Variants in OR6B3 observed in about 807,000 individuals in gnomAD.
OR6B3 encodes the protein olfactory receptor 6B3.
For missense variants in OR6B3, 315 were observed against 427.4 expected, an observed-to-expected ratio of 0.74 and a Z score of 2.32; for synonymous variants, 148 against 187.8, an observed-to-expected ratio of 0.79 and a Z score of 1.73.
Position 240,045,300 on chromosome 2 carries a change from AT to A in OR6B3, c.772del (p.Met258CysfsTer28), listed in dbSNP as rs1394054182. On this transcript the variant is annotated frameshift_variant, in exon 2 of 2. Coordinates refer to ENST00000641019, the Ensembl canonical transcript of OR6B3. LOFTEE classifies it low-confidence loss of function (END_TRUNC). ...ATCAATGGCCTGGGGCCGGACATAC[AT>A]GAAAAGCAAGGCTGTATAGAAGACG... 6.2e-7 allele frequency: 1 copy of A among 1,614,106 alleles called. No individual in the cohort carries two copies. Among genetic ancestry groups the A allele is most frequent in the East Asian group, 2.2e-5 (1 of 44,896 alleles).
intron 1 of OR6B3, 111 bp downstream of exon 2, chr2:240,046,841 T>C (rs1698198447): frequency 6.6e-6 from 1 of 152,184 alleles, no homozygotes; most frequent in Non-Finnish European, 1.5e-5. Context: ...TGTGTATTTT[T>C]ATATAAAACA....
chr2:240,052,658 C>G, the OR6B3 span, among the ~76,000 whole-genome samples: 5 of 152,308 alleles, frequency 3.3e-5, no homozygotes, highest in Admixed American at 6.5e-5. This position sits in a 1 kb window ranked among gnomAD's most constrained non-coding sequence, Gnocchi z 4.5. Context: ...GCCTGCGATG[C>G]CTGCCGGTCC....
chr2:240,045,243 A>G, exon 2 of OR6B3: 1 of 1,614,248 alleles, frequency 6.2e-7, no homozygotes, highest in Non-Finnish European at 8.5e-7. Flanking sequence ...AACTGTGTAC[A>G]AAACAGAGAT....
At chr2:240,046,003 G>T (rs1280261674) in exon 2 of OR6B3, 2 of 1,611,956 alleles carry the variant, frequency 1.2e-6, no homozygotes, top group South Asian at 2.2e-5. Context: ...AGCAGGTACT[G>T]CAGCCCTGGG....
At chr2:240,047,190 C>T (rs565676075), upstream of OR6B3, among the ~76,000 whole-genome samples, 46 of 152,098 alleles carry the variant, frequency 3.0e-4, no homozygotes, top group Non-Finnish European at 6.3e-4. Context: ...AGAGAAGACC[C>T]CTTCAGAAGG....
intron 1 of OR6B3, among the ~76,000 whole-genome samples, 193 bp from the exon 3 acceptor site, chr2:240,046,290 G>A (rs1033165748): frequency 6.6e-6 from 1 of 152,070 alleles, no homozygotes; most frequent in Non-Finnish European, 1.5e-5. Context: ...TAGATTCTAG[G>A]TCTCAGCCTG....
At chr2:240,045,722 G>A (rs745570173) in exon 2 of OR6B3, 1 of 1,373,392 alleles carries the variant, frequency 7.3e-7, no homozygotes, top group Admixed American at 1.7e-5. Flanking sequence ...CGTAGGCCAT[G>A]GAGGCCAGAA....
At chr2:240,051,895 G>A (rs1009456336), upstream of OR6B3, among the ~76,000 whole-genome samples, 1 of 152,158 alleles carries the variant, frequency 6.6e-6, no homozygotes, top group Non-Finnish European at 1.5e-5. Flanking sequence ...ACAGCCTACA[G>A]CATCCCCACA....
At chr2:240,053,373 T>G in the OR6B3 span, among the ~76,000 whole-genome samples, 1 of 152,234 alleles carries the variant, frequency 6.6e-6, no homozygotes, top group Non-Finnish European at 1.5e-5. This position sits in a 1 kb window ranked among gnomAD's most constrained non-coding sequence, Gnocchi z 4.1. Context: ...GCACTCACAA[T>G]GCACCCTGTG....
chr2:240,049,463 C>T (rs895499746), upstream of OR6B3, among the ~76,000 whole-genome samples: 1 of 152,206 alleles, frequency 6.6e-6, no homozygotes, highest in African/African-American at 2.4e-5. Context: ...CCTGCACAAG[C>T]ACCTGGTCTG....
upstream of OR6B3, among the ~76,000 whole-genome samples, chr2:240,050,559 C>T (rs533431590): frequency 1.3e-5 from 2 of 152,068 alleles, no homozygotes; most frequent in African/African-American, 4.8e-5. Flanking sequence ...ACTAAAAATA[C>T]AAAACTTAGC....
exon 2 of OR6B3, chr2:240,045,458 G>C: frequency 6.2e-7 from 1 of 1,614,238 alleles, no homozygotes; most frequent in Non-Finnish European, 8.5e-7. Context: ...ACACCAGGAT[G>C]ATGAAGGCCA....
At chr2:240,051,875 G>A (rs74664605), upstream of OR6B3, among the ~76,000 whole-genome samples, 5,958 of 152,242 alleles carry the variant, frequency 0.039, 143 homozygotes, top group Non-Finnish European at 0.047. Flanking sequence ...AATAATACCA[G>A]CCTCAACCAA....
At chr2:240,053,133 G>T in the OR6B3 span, among the ~76,000 whole-genome samples, 2 of 152,174 alleles carry the variant, frequency 1.3e-5, no homozygotes, top group Non-Finnish European at 2.9e-5. This position sits in a 1 kb window ranked among gnomAD's most constrained non-coding sequence, Gnocchi z 4.1. Context: ...TTATGGTGGG[G>T]CAGACCGAGA....
chr2:240,044,899 A>G (rs1201034777), downstream of OR6B3, among the ~76,000 whole-genome samples: 1 of 152,254 alleles, frequency 6.6e-6, no homozygotes, highest in Non-Finnish European at 1.5e-5. Context: ...ATTAAGCTTT[A>G]CTAACTACAG....
At chr2:240,050,614 T>G (rs1020910357), upstream of OR6B3, among the ~76,000 whole-genome samples, 2 of 150,966 alleles carry the variant, frequency 1.3e-5, no homozygotes, top group African/African-American at 4.9e-5. Flanking sequence ...CTCCAAAGTC[T>G]GAGGTATGAG....
chr2:240,046,202 G>C, intron 1 of OR6B3, 105 bp from the exon 3 acceptor site: 1 of 734,512 alleles, frequency 1.4e-6, no homozygotes, highest in Non-Finnish European at 2.2e-6. Context: ...GAGAGGCCAC[G>C]TGGCTCCCCA....
At chr2:240,052,777 G>A in the OR6B3 span, among the ~76,000 whole-genome samples, 396 of 152,296 alleles carry the variant, frequency 2.6e-3, 2 homozygotes, top group African/African-American at 9.1e-3. This position sits in a 1 kb window ranked among gnomAD's most constrained non-coding sequence, Gnocchi z 4.5. Flanking sequence ...TTTCAGCACT[G>A]ATTTTTAAAG....
At chr2:240,050,601 C>G (rs1269179599), upstream of OR6B3, among the ~76,000 whole-genome samples, 1 of 152,004 alleles carries the variant, frequency 6.6e-6, no homozygotes, top group Non-Finnish European at 1.5e-5. Context: ...GTAATCCCAG[C>G]TACTCCAAAG....
Sources: allele counts gnomAD v4.1 joint callset (sites outside exome capture counted in the v4.1 genomes callset), GRCh38; gene constraint gnomAD v4.1.1; non-coding constraint Gnocchi (gnomAD v3.1); transcripts MANE v1.5; gene names NCBI Gene and HGNC (gene_info 2026-07-23, HGNC 2026-07-21).